The following PRSS23 variants were observed in gnomAD, a reference collection of about 807,000 sequenced individuals.
PRSS23 encodes serine protease 23.
In PRSS23, 25 loss-of-function variants were observed where a neutral mutation model predicts 34.7. That is an observed-to-expected ratio of 0.72 (90% confidence interval 0.53 to 1.01). The LOEUF is 1.01. Ranked by LOEUF, PRSS23 falls within the 50% of genes least tolerant of loss-of-function variation. The probability of loss-of-function intolerance (pLI) is 0.00; values close to 1 mark genes in which losing one functional copy is unlikely to be tolerated. For missense variants in PRSS23, 445 were observed against 475.6 expected (o/e 0.94, Z 0.60); for synonymous variants, 176 against 186.6 (o/e 0.94, Z 0.46).
chr11:86,834,073 A>G (rs1315522704), intron 2 of PRSS23, among the ~76,000 whole-genome samples: 1 of 152,162 alleles, frequency 6.6e-6, no homozygotes, highest in Non-Finnish European at 1.5e-5. Context: ...GAAGAGACAA[A>G]CTTAACAAGG....
intron 2 of PRSS23, among the ~76,000 whole-genome samples, chr11:86,904,738 G>A (rs1196053997): frequency 6.6e-6 from 1 of 152,096 alleles, no homozygotes; most frequent in East Asian, 1.9e-4. Context: ...AATGAGTAAA[G>A]CTGTGTCCCA....
At chr11:86,818,206 A>G (rs760720367) in intron 1 of PRSS23, among the ~76,000 whole-genome samples, 5 of 152,264 alleles carry the variant, frequency 3.3e-5, no homozygotes, top group East Asian at 3.8e-4. Flanking sequence ...AAAACTTTGT[A>G]TCATCAGTAC....
intron 2 of PRSS23, among the ~76,000 whole-genome samples, chr11:86,841,114 C>T (rs1346123398): frequency 2.6e-5 from 4 of 151,880 alleles, no homozygotes; most frequent in Non-Finnish European, 5.9e-5. Context: ...CTGAGGCAGG[C>T]GAATCACCTG....
rs372905551 is a variant in PRSS23 at position 86,791,782 on chromosome 11, G to A, written c.-14+587G>A. Among the ~76,000 whole-genome samples the A allele has an allele frequency of 7.2e-5, 11 of 152,312 alleles. No homozygotes were observed. In the East Asian group the frequency reaches 1.7e-3, roughly 24 times the overall value. ...TGACCTCTGTTCAAGGTGGCTCCCC[G>A]TGGCACACCTGATGGCATCCATTCA... On this transcript the variant is annotated intron_variant, in intron 1 of 1. Transcript: ENST00000527521.
intron 2 of PRSS23, among the ~76,000 whole-genome samples, chr11:86,827,308 T>C (rs374598724): frequency 6.6e-6 from 1 of 152,220 alleles, no homozygotes; most frequent in Non-Finnish European, 1.5e-5. Context: ...TCTCTGATGG[T>C]AGTTTGTATT....
intron 2 of PRSS23, among the ~76,000 whole-genome samples, chr11:86,939,423 TATA>T (rs1369810328): frequency 9.0e-5 from 9 of 100,428 alleles, no homozygotes; most frequent in African/African-American, 1.6e-4. Context: ...TATATATATA[TATA>T]TTTTTTAACA....
At chr11:86,873,258 A>G (rs1215125804) in intron 2 of PRSS23, among the ~76,000 whole-genome samples, 8 of 83,520 alleles carry the variant, frequency 9.6e-5, no homozygotes, top group Admixed American at 3.8e-4. Context: ...ATATATATGT[A>G]TATATATATA....
intron 1 of PRSS23, among the ~76,000 whole-genome samples, chr11:86,822,620 T>TAAAA (rs113888066): frequency 9.8e-5 from 10 of 102,072 alleles, no homozygotes; most frequent in African/African-American, 2.1e-4. Flanking sequence ...TGAACCTGAC[T>TAAAA]AAAAAAAAAA....
chr11:86,832,117 G>C (rs1194357958), intron 2 of PRSS23, among the ~76,000 whole-genome samples: 1 of 152,002 alleles, frequency 6.6e-6, no homozygotes, highest in Non-Finnish European at 1.5e-5. Context: ...ATATTCTATG[G>C]GGATGTTGTT....
chr11:86,878,358 C>T (rs1371350012), intron 2 of PRSS23, among the ~76,000 whole-genome samples: 1 of 152,066 alleles, frequency 6.6e-6, no homozygotes, highest in African/African-American at 2.4e-5. Context: ...ACTGCAGCCT[C>T]CCTGCCTGAT....
At chr11:86,859,601 A>T (rs377028628) in intron 2 of PRSS23, among the ~76,000 whole-genome samples, 2 of 151,896 alleles carry the variant, frequency 1.3e-5, no homozygotes, top group Admixed American at 6.6e-5. Flanking sequence ...GGATGATATT[A>T]CTCCCAGTAT....
chr11:86,795,976 G>A (rs943189303), upstream of PRSS23, among the ~76,000 whole-genome samples: 2 of 152,186 alleles, frequency 1.3e-5, no homozygotes, highest in Non-Finnish European at 2.9e-5. Context: ...TAGAGTTAGT[G>A]CTGGTCATGC....
At chr11:86,796,700 C>T (rs1481614005), upstream of PRSS23, among the ~76,000 whole-genome samples, 1 of 150,954 alleles carries the variant, frequency 6.6e-6, no homozygotes, top group Non-Finnish European at 1.5e-5. Flanking sequence ...CAGTACCTGG[C>T]ATATAGTATG....
chr11:86,904,594 G>A (rs1948930479), intron 2 of PRSS23, among the ~76,000 whole-genome samples: 1 of 152,068 alleles, frequency 6.6e-6, no homozygotes, highest in Non-Finnish European at 1.5e-5. Context: ...TCTATTCTAT[G>A]GGCTAGCAAA....
At chr11:86,914,042 T>TAAAAAAAA (rs35087518) in intron 2 of PRSS23, among the ~76,000 whole-genome samples, 1 of 114,908 alleles carries the variant, frequency 8.7e-6, no homozygotes, top group Non-Finnish European at 1.7e-5. Flanking sequence ...CCATCTCTAC[T>TAAAAAAAA]AAAAAAAAAA....
intron 2 of PRSS23, among the ~76,000 whole-genome samples, chr11:86,930,306 T>A (rs887295374): frequency 1.3e-5 from 2 of 152,096 alleles, no homozygotes; most frequent in Non-Finnish European, 2.9e-5. Context: ...TATTCAAAAA[T>A]TGAAATAAAT....
At chr11:86,942,212 G>A (rs1333703264) in intron 2 of PRSS23, among the ~76,000 whole-genome samples, 1 of 152,156 alleles carries the variant, frequency 6.6e-6, no homozygotes, top group East Asian at 1.9e-4. Flanking sequence ...AGGAGGATCG[G>A]GGATGTCTTC....
At chr11:86,931,886 C>T (rs1394210409) in intron 2 of PRSS23, among the ~76,000 whole-genome samples, 1 of 151,978 alleles carries the variant, frequency 6.6e-6, no homozygotes, top group East Asian at 1.9e-4. Flanking sequence ...CTGTAATAAT[C>T]CAGGAGAAGG....
chr11:86,793,615 G>C (rs1386232149), intron 1 of PRSS23, among the ~76,000 whole-genome samples: 2 of 152,178 alleles, frequency 1.3e-5, no homozygotes, highest in African/African-American at 4.8e-5. Flanking sequence ...ATTCTGGAGA[G>C]TGTGAGAGCC....
Sources: gnomAD v4.1 joint callset for allele counts (sites outside exome capture counted in the v4.1 genomes callset) on GRCh38, gnomAD v4.1.1 for gene constraint, MANE v1.5 for transcripts, NCBI Gene and HGNC (gene_info 2026-07-23, HGNC 2026-07-21) for gene names.